Variants in GABRG1 observed in about 807,000 individuals in gnomAD.
GABRG1 encodes gamma-aminobutyric acid type A receptor subunit gamma1.
GABRG1 carries 49 observed loss-of-function variants against 49.8 expected under a neutral mutation model. The ratio of observed to expected loss-of-function variants is 0.98; its 90% confidence interval spans 0.78 to 1.25. The LOEUF (loss-of-function observed/expected upper bound fraction) is 1.25, where lower values mean the gene tolerates loss of function less well. Ranked by LOEUF, GABRG1 falls within the 50% of genes most tolerant of loss-of-function variation. The probability of loss-of-function intolerance (pLI) is 0.00; values close to 1 mark genes in which losing one functional copy is unlikely to be tolerated. For missense variants in GABRG1, 552 were observed against 552.3 expected (o/e 1.00, Z 0.01); for synonymous variants, 232 against 185.1 (o/e 1.25, Z -2.06).
chr4:46,046,205 A>T (rs1006515107), intron 8 of GABRG1, among the ~76,000 whole-genome samples: 8 of 152,072 alleles, frequency 5.3e-5, no homozygotes, highest in Non-Finnish European at 8.8e-5. Flanking sequence ...TTAAATGGGA[A>T]TTTTACTCAA....
intron 8 of GABRG1, among the ~76,000 whole-genome samples, chr4:46,050,217 G>A (rs1024912278): frequency 1.3e-5 from 2 of 151,830 alleles, no homozygotes; most frequent in African/African-American, 4.8e-5. Context: ...TGAAGTTGAC[G>A]GAGTCACTGG....
chr4:46,084,460 C>T (rs1469456064), intron 2 of GABRG1, among the ~76,000 whole-genome samples: 1 of 151,580 alleles, frequency 6.6e-6, no homozygotes, highest in African/African-American at 2.4e-5. Context: ...ACACACAAGT[C>T]TGGCAGGCTG....
At chr4:46,072,174 T>A (rs1477417915) in intron 3 of GABRG1, among the ~76,000 whole-genome samples, 1 of 152,116 alleles carries the variant, frequency 6.6e-6, no homozygotes, top group African/African-American at 2.4e-5. Context: ...TTAATAATAT[T>A]CTTTACAGGT....
At chr4:46,074,951 C>T (rs932166249) in intron 3 of GABRG1, among the ~76,000 whole-genome samples, 32 of 151,990 alleles carry the variant, frequency 2.1e-4, no homozygotes, top group African/African-American at 7.5e-4. Flanking sequence ...GAGTAGGGTG[C>T]TGACTGAGTC....
intron 1 of GABRG1, among the ~76,000 whole-genome samples, chr4:46,114,094 C>T (rs987380284): frequency 6.6e-6 from 1 of 150,788 alleles, no homozygotes; most frequent in East Asian, 2.0e-4. Flanking sequence ...GCTACTAAAC[C>T]CTTTTGTAGA....
Position 46,058,346 on chromosome 4 carries a change from A to G in GABRG1, c.787T>C (p.Phe263Leu). Residue 263 changes from phenylalanine (F) to leucine (L), a missense_variant, in exon 7 of 9, where the codon TTT (phenylalanine) becomes CTT (leucine). Coordinates refer to ENST00000295452, the MANE Select transcript of GABRG1 (RefSeq NM_173536.4). The part of the protein sequence containing the change: ...ISGDYVIMTI[F>L]FDLSRRMGYF... The stretch of plus-strand genomic sequence containing the variant: ...CCCATTCTTCTGCTCAGGTCAAAAA[A>G]AATTGTCATGATAACATAATCCCCT... The G allele has an allele frequency of 6.2e-7, 1 of 1,611,846 alleles. No homozygotes were observed.
chr4:46,105,052 T>A (rs1318318255), intron 1 of GABRG1, among the ~76,000 whole-genome samples: 1 of 151,414 alleles, frequency 6.6e-6, no homozygotes, highest in Non-Finnish European at 1.5e-5. Flanking sequence ...CTATCCTTCC[T>A]TTTTCAGAAA....
At chr4:46,121,145 T>G (rs1721079725) in intron 1 of GABRG1, among the ~76,000 whole-genome samples, 2 of 151,780 alleles carry the variant, frequency 1.3e-5, no homozygotes, top group Non-Finnish European at 2.9e-5. Flanking sequence ...AAACTAAGCA[T>G]TACAACTGAT....
chr4:46,097,165 G>A lies in GABRG1; in HGVS notation c.253+36C>T, dbSNP rs773881838. 4 of 1,561,956 alleles carry A rather than the reference G, an allele frequency of 2.6e-6. No individual in the cohort carries two copies. In the Admixed American group the frequency reaches 5.5e-5, roughly 21 times the overall value. On this transcript the variant is annotated intron_variant, in intron 2 of 8. Coordinates refer to ENST00000295452, the MANE Select transcript of GABRG1 (RefSeq NM_173536.4). ...TAGTACCAGTAATGATATGTTTAAT[G>A]GTCATCAAAATCCCAGAATGGTAAC...
At chr4:46,063,259 C>T (rs1718779860) in intron 5 of GABRG1, among the ~76,000 whole-genome samples, 1 of 152,038 alleles carries the variant, frequency 6.6e-6, no homozygotes. Flanking sequence ...CGCTACCTGA[C>T]TTCAAACTAT....
rs1279355449 is a variant in GABRG1, at chr4:46,040,612, A to G, written c.*376T>C. 2.6e-5 allele frequency: 4 copies of G among 153,774 alleles called. No homozygotes were observed. The Admixed American group carries it at 2.6e-4, about 10-fold the overall frequency. 9.5% of individuals were successfully genotyped at this position (153,774 alleles called of 1,614,324 possible). On this transcript the variant is annotated 3_prime_UTR_variant, in exon 9 of 9. Transcript: ENST00000295452. Reference sequence around the variant, plus strand: ...AAAAGTTGCTACATAAATATTAGTAATTAGTCTTACATTACAAAACAATTA... The same window carrying G: ...AAAAGTTGCTACATAAATATTAGTAGTTAGTCTTACATTACAAAACAATTA...
intron 1 of GABRG1, among the ~76,000 whole-genome samples, chr4:46,104,548 C>T (rs1244688800): frequency 6.6e-6 from 1 of 151,410 alleles, no homozygotes; most frequent in African/African-American, 2.4e-5. Context: ...CACATAATCC[C>T]TTTTTCCAAT....
At chr4:46,045,217 C>T (rs1022710134) in intron 8 of GABRG1, among the ~76,000 whole-genome samples, 1 of 151,968 alleles carries the variant, frequency 6.6e-6, no homozygotes, top group Non-Finnish European at 1.5e-5. Flanking sequence ...GGAAGTAATA[C>T]ATCCACTTAA....
chr4:46,119,392 G>A (rs1202517854), intron 1 of GABRG1, among the ~76,000 whole-genome samples: 3 of 151,358 alleles, frequency 2.0e-5, no homozygotes, highest in Non-Finnish European at 4.4e-5. Context: ...GCAGGCAGGG[G>A]TATAGAACAC....
At chr4:46,076,361 TC>T (rs1377851272) in intron 3 of GABRG1, among the ~76,000 whole-genome samples, 9 of 78,154 alleles carry the variant, frequency 1.2e-4, no homozygotes, top group Non-Finnish European at 1.5e-4. Context: ...TAGGTCATGT[TC>T]ATATATATAT....
In GABRG1 at chr4:46,068,412, C is replaced by T. The variant is rs143296843; in HGVS notation, c.322-2828G>A. Among the ~76,000 whole-genome samples the T allele has an allele frequency of 2.6e-5, 4 of 152,214 alleles. No individual in the cohort carries two copies. In the East Asian group the frequency reaches 7.7e-4, roughly 29 times the overall value. On this transcript the variant is annotated intron_variant, in intron 3 of 8. Coordinates refer to ENST00000295452, the MANE Select transcript of GABRG1 (RefSeq NM_173536.4). Reference sequence around the variant, plus strand: ...TTGTCTAAGGCTGGGATTTCCAAAGCAGCTGTCAATACTGCTTAGCAGCTG... The same window carrying T: ...TTGTCTAAGGCTGGGATTTCCAAAGTAGCTGTCAATACTGCTTAGCAGCTG...
chr4:46,083,884 T>G, intron 3 of GABRG1, 102 bp downstream of exon 3: 1 of 716,758 alleles, frequency 1.4e-6, no homozygotes, highest in Non-Finnish European at 2.5e-6. Context: ...TCTGAATTCA[T>G]TCAGAATTAA....
chr4:46,115,131 T>C (rs1720844396), intron 1 of GABRG1, among the ~76,000 whole-genome samples: 1 of 150,844 alleles, frequency 6.6e-6, no homozygotes, highest in Non-Finnish European at 1.5e-5. Flanking sequence ...TGAGAATTTA[T>C]AAGATATTAT....
intron 2 of GABRG1, among the ~76,000 whole-genome samples, chr4:46,084,489 G>A (rs559502735): frequency 6.6e-6 from 1 of 151,662 alleles, no homozygotes; most frequent in African/African-American, 2.4e-5. Context: ...TTCAGTCTCA[G>A]TCTCCTGGTC....
Sources: allele counts gnomAD v4.1 joint callset (sites outside exome capture counted in the v4.1 genomes callset), GRCh38; gene constraint gnomAD v4.1.1; transcripts MANE v1.5; gene names NCBI Gene and HGNC (gene_info 2026-07-23, HGNC 2026-07-21).